The following KLF8 variants were observed in gnomAD, a reference collection of about 807,000 sequenced individuals.
KLF8 encodes the protein Krueppel-like factor 8.
Under a neutral mutation model 18.2 loss-of-function variants are expected in KLF8, and 10 were observed. That is an observed-to-expected ratio of 0.55 (90% CI 0.34 to 0.93). The LOEUF (loss-of-function observed/expected upper bound fraction) is 0.93, where lower values mean the gene tolerates loss of function less well. Among genes scored for constraint, KLF8 ranks in the 40% least tolerant of loss-of-function variants. The pLI, the probability that KLF8 is intolerant of heterozygous loss-of-function variation, is 0.02. For synonymous variants in KLF8, 109 were observed against 97.3 expected (o/e 1.12, Z -0.71); for missense variants, 264 against 277.9 (o/e 0.95, Z 0.36).
At chrX:56,121,416 G>A in the KLF8 span, among the ~76,000 whole-genome samples, 1 of 111,225 alleles carries the variant, frequency 9.0e-6, no homozygotes, top group Non-Finnish European at 1.9e-5. Context: ...TTTCTGAGTG[G>A]GCAGGACTGA....
At chrX:56,039,996 G>A in the KLF8 span, among the ~76,000 whole-genome samples, 1 of 110,869 alleles carries the variant, frequency 9.0e-6, no homozygotes, top group Non-Finnish European at 1.9e-5. Flanking sequence ...AAATGTGAAT[G>A]AGAGTTCATT....
chrX:56,202,272 TTTTG>T, the KLF8 span, among the ~76,000 whole-genome samples: 4 of 110,890 alleles, frequency 3.6e-5, no homozygotes, highest in East Asian at 8.5e-4. Context: ...TGTTGGGTTT[TTTTG>T]TTTGTTTTCT....
At chrX:56,203,409 T>C in the KLF8 span, among the ~76,000 whole-genome samples, 1 of 112,226 alleles carries the variant, frequency 8.9e-6, no homozygotes, top group Non-Finnish European at 1.9e-5. Context: ...ACCTTTGCTG[T>C]GCAGAAGCTT....
chrX:55,927,796 T>C, the KLF8 span, among the ~76,000 whole-genome samples: 1 of 111,805 alleles, frequency 8.9e-6, no homozygotes, highest in Non-Finnish European at 1.9e-5. Flanking sequence ...ATATTTTGTA[T>C]ACTATTTGTT....
At chrX:55,946,940 C>T in the KLF8 span, among the ~76,000 whole-genome samples, 3 of 111,616 alleles carry the variant, frequency 2.7e-5, no homozygotes, top group Admixed American at 2.9e-4. Flanking sequence ...CAATGAGATA[C>T]CATCTCACAC....
At chrX:56,001,832 A>G in the KLF8 span, among the ~76,000 whole-genome samples, 1 of 112,080 alleles carries the variant, frequency 8.9e-6, no homozygotes, top group Non-Finnish European at 1.9e-5. Flanking sequence ...TTGAAACTCT[A>G]GTGGTTTCTT....
chrX:55,956,385 C>G, the KLF8 span, among the ~76,000 whole-genome samples: 2 of 111,276 alleles, frequency 1.8e-5, no homozygotes, highest in African/African-American at 6.5e-5. Flanking sequence ...GTCTTTGAGA[C>G]TCTGCTTTTG....
the KLF8 span, among the ~76,000 whole-genome samples, chrX:55,931,126 G>T: frequency 9.0e-6 from 1 of 111,611 alleles, no homozygotes; most frequent in African/African-American, 3.3e-5. Context: ...GAGTGTGTGT[G>T]TGTTTGTGTG....
the KLF8 span, among the ~76,000 whole-genome samples, chrX:56,163,099 G>A: frequency 2.7e-5 from 3 of 111,857 alleles, no homozygotes; most frequent in Non-Finnish European, 3.8e-5. Context: ...TATTTCTTCA[G>A]GTATGTGCCC....
At chrX:55,941,513 G>A in the KLF8 span, among the ~76,000 whole-genome samples, 1 of 111,884 alleles carries the variant, frequency 8.9e-6, no homozygotes, top group Non-Finnish European at 1.9e-5. Flanking sequence ...AGCCAAAACT[G>A]ACAAATGGGA....
the KLF8 span, among the ~76,000 whole-genome samples, chrX:56,172,131 A>C: frequency 9.1e-6 from 1 of 109,494 alleles, no homozygotes; most frequent in South Asian, 3.9e-4. Context: ...TTATACTTTA[A>C]GTTTTAGGGT....
chrX:56,139,532 G>T, the KLF8 span, among the ~76,000 whole-genome samples: 1 of 111,919 alleles, frequency 8.9e-6, no homozygotes, highest in Middle Eastern at 4.6e-3. Flanking sequence ...CAACAAAGTG[G>T]AGTAAAACAA....
chrX:55,974,482 G>A, the KLF8 span, among the ~76,000 whole-genome samples: 11 of 111,443 alleles, frequency 9.9e-5, no homozygotes, highest in Middle Eastern at 9.2e-3. Flanking sequence ...GATAGTGTAG[G>A]TGCAGGGTAG....
chrX:56,082,625 A>G, the KLF8 span, among the ~76,000 whole-genome samples: 1 of 110,574 alleles, frequency 9.0e-6, no homozygotes, highest in Non-Finnish European at 1.9e-5. Context: ...TAGTTTTCAT[A>G]CATCACATAA....
At chrX:56,160,940 A>T in the KLF8 span, among the ~76,000 whole-genome samples, 5 of 111,039 alleles carry the variant, frequency 4.5e-5, no homozygotes, top group Non-Finnish European at 9.4e-5. Context: ...TTATGATGTT[A>T]GCTGGTTATT....
the KLF8 span, among the ~76,000 whole-genome samples, chrX:56,087,388 G>A: frequency 1.8e-5 from 2 of 110,309 alleles, no homozygotes; most frequent in Admixed American, 9.7e-5. Context: ...ATAATAGTGA[G>A]TGACTTCTTG....
In KLF8 at chrX:56,242,244, C is replaced by T. The variant is rs147582359; in HGVS notation, c.8-7987C>T. On this transcript the variant is annotated intron_variant, in intron 1 of 5. Transcript: ENST00000468660. ...GCTTAACATCAGCGTCTGAGAGAAG[C>T]GCAACTGGCTGAAAGCACTGGAGGC... Among the ~76,000 whole-genome samples the T allele has an allele frequency of 1.6e-3, 180 of 112,068 alleles. 1 individual carries two copies. The East Asian group carries it at 0.045, about 28-fold the overall frequency.
At chrX:55,961,523 C>A in the KLF8 span, 2 of 546,873 alleles carry the variant, frequency 3.7e-6, no homozygotes, top group Admixed American at 4.5e-5. Flanking sequence ...GAATTTTGCA[C>A]GGCATCTGCA....
chrX:55,924,916 C>T, the KLF8 span, among the ~76,000 whole-genome samples: 1 of 83,966 alleles, frequency 1.2e-5, no homozygotes, highest in Non-Finnish European at 2.1e-5. Context: ...AGCTCAGTGG[C>T]GCCATCTCTG....
Sources: allele counts gnomAD v4.1 joint callset (sites outside exome capture counted in the v4.1 genomes callset), GRCh38; gene constraint gnomAD v4.1.1; transcripts MANE v1.5; gene names NCBI Gene and HGNC (gene_info 2026-07-23, HGNC 2026-07-21).